The following ADGRL3 variants were observed in gnomAD, a reference collection of about 807,000 sequenced individuals.
The protein encoded by ADGRL3 is calcium-independent alpha-latrotoxin receptor 3.
ADGRL3 carries 62 observed loss-of-function variants against 153.5 expected under a neutral mutation model. The ratio of observed to expected loss-of-function variants is 0.40; its 90% CI spans 0.33 to 0.50. The LOEUF (loss-of-function observed/expected upper bound fraction) is 0.50. Among genes scored for constraint, ADGRL3 ranks in the 20% least tolerant of loss-of-function variants. The probability of loss-of-function intolerance (pLI) is 0.47; values close to 1 mark genes in which losing one functional copy is unlikely to be tolerated. For synonymous variants in ADGRL3, 710 were observed against 672.5 expected (o/e 1.06, Z -0.86); for missense variants, 1,641 against 1,859.4 (o/e 0.88, Z 2.16).
intron 9 of ADGRL3, among the ~76,000 whole-genome samples, chr4:61,838,146 C>G (rs916895048): frequency 1.3e-5 from 2 of 152,002 alleles, no homozygotes; most frequent in Admixed American, 1.3e-4. Context: ...AAATAAATAC[C>G]TCATGGTGCT....
chr4:61,307,306 C>G (rs938242298), intron 1 of ADGRL3, among the ~76,000 whole-genome samples: 2 of 152,090 alleles, frequency 1.3e-5, no homozygotes, highest in Admixed American at 1.3e-4. Context: ...TTTTAGTTGA[C>G]TAACACAATT....
rs1261890469 is a variant in ADGRL3 at position 61,979,671 on chromosome 4, G to A, written c.2914G>A (p.Gly972Arg). The change falls in exon 18 of 27, where the codon GGG becomes AGG. Residue 972 changes from glycine (G) to arginine (R), a missense_variant. Around this residue, in one of 5 missense-constraint regions of ADGRL3, gnomAD observed 734 missense variants for 797.0 expected, o/e 0.92. Coordinates refer to ENST00000683033, the MANE Select transcript of ADGRL3 (RefSeq NM_001387552.1). ...CATCTTCACATTTTGCTTTTTCCGGGGGCTCCAGAGTGACCGTAACACCAT... is the reference window on the plus strand; with the variant it reads ...CATCTTCACATTTTGCTTTTTCCGGAGGCTCCAGAGTGACCGTAACACCAT... Reference protein sequence around the residue: ...ICIFTFCFFRGLQSDRNTIHK... With the variant: ...ICIFTFCFFRRLQSDRNTIHK... The A allele has an allele frequency of 6.2e-7, 1 of 1,613,650 alleles. No homozygotes were observed. The highest frequency in any genetic ancestry group is 8.5e-7 in the Non-Finnish European group (1 of 1,179,830).
chr4:61,489,163 T>C (rs750332684), intron 2 of ADGRL3, among the ~76,000 whole-genome samples: 5 of 151,982 alleles, frequency 3.3e-5, no homozygotes, highest in Non-Finnish European at 7.4e-5. Context: ...AAATAAGTAT[T>C]AAATTCAGAT....
intron 17 of ADGRL3, among the ~76,000 whole-genome samples, chr4:61,958,648 C>G (rs1450028530): frequency 1.3e-5 from 2 of 152,010 alleles, no homozygotes; most frequent in Non-Finnish European, 2.9e-5. Flanking sequence ...GCAGGGAAAA[C>G]TGCCACTTTT....
intron 1 of ADGRL3, among the ~76,000 whole-genome samples, chr4:61,319,921 A>G (rs2095318827): frequency 6.6e-6 from 1 of 152,180 alleles, no homozygotes; most frequent in Non-Finnish European, 1.5e-5. Flanking sequence ...AGCCCAGTTC[A>G]TATATTGAAG....
At chr4:61,268,779 A>T (rs1333586717) in intron 1 of ADGRL3, among the ~76,000 whole-genome samples, 1 of 151,670 alleles carries the variant, frequency 6.6e-6, no homozygotes, top group Middle Eastern at 3.2e-3. Flanking sequence ...TAATTTCTTG[A>T]GAAACATTGC....
At chr4:61,445,684 C>G (rs1424321159) in intron 2 of ADGRL3, among the ~76,000 whole-genome samples, 1 of 152,154 alleles carries the variant, frequency 6.6e-6, no homozygotes. Context: ...TTCAGCATTA[C>G]TTTCTCAGAG....
intron 1 of ADGRL3, among the ~76,000 whole-genome samples, chr4:61,368,275 C>G (rs1366516565): frequency 6.6e-6 from 1 of 152,066 alleles, no homozygotes; most frequent in African/African-American, 2.4e-5. Flanking sequence ...GCTTTTGTTG[C>G]CATTGCTTTT....
At chr4:61,401,431 A>T (rs1283875137) in intron 2 of ADGRL3, among the ~76,000 whole-genome samples, 1 of 152,016 alleles carries the variant, frequency 6.6e-6, no homozygotes, top group Non-Finnish European at 1.5e-5. Flanking sequence ...TAAAAATGAA[A>T]TATTTAGTAT....
intron 13 of ADGRL3, among the ~76,000 whole-genome samples, chr4:61,931,966 CA>C (rs1174791556): frequency 6.6e-6 from 1 of 151,996 alleles, no homozygotes; most frequent in African/African-American, 2.4e-5. Context: ...CTGTTGTAAA[CA>C]GGTTCCTGAA....
chr4:61,417,721 T>C (rs908524486), intron 2 of ADGRL3, among the ~76,000 whole-genome samples: 1 of 152,078 alleles, frequency 6.6e-6, no homozygotes, highest in African/African-American at 2.4e-5. Context: ...TTTTTCACTT[T>C]TAGAGGAGGT....
At chr4:61,771,426 T>C (rs1258334472) in intron 8 of ADGRL3, among the ~76,000 whole-genome samples, 1 of 152,180 alleles carries the variant, frequency 6.6e-6, no homozygotes, top group Non-Finnish European at 1.5e-5. Context: ...CAGCCTCCAG[T>C]TAAGCCCATT....
chr4:61,805,368 G>C (rs2097543083), intron 8 of ADGRL3, among the ~76,000 whole-genome samples: 1 of 152,090 alleles, frequency 6.6e-6, no homozygotes, highest in Non-Finnish European at 1.5e-5. Context: ...GCCAAGATAG[G>C]ATTTAAAGCA....
chr4:61,693,358 A>G (rs1270006010), intron 6 of ADGRL3, among the ~76,000 whole-genome samples: 3 of 149,896 alleles, frequency 2.0e-5, no homozygotes, highest in East Asian at 2.0e-4. Context: ...AGTTTTTTCT[A>G]TTTTTTTTTC....
At chr4:61,976,636 G>A (rs2099049084) in intron 17 of ADGRL3, among the ~76,000 whole-genome samples, 1 of 152,138 alleles carries the variant, frequency 6.6e-6, no homozygotes, top group African/African-American at 2.4e-5. Context: ...CCCCCATACT[G>A]TTCTCATGGT....
chr4:61,982,896 A>T (rs2099073346), intron 18 of ADGRL3, among the ~76,000 whole-genome samples: 1 of 152,140 alleles, frequency 6.6e-6, no homozygotes, highest in South Asian at 2.1e-4. Context: ...AACAATTAGT[A>T]ATAATCTCAT....
At chr4:61,643,894 A>C (rs1177218810) in intron 5 of ADGRL3, among the ~76,000 whole-genome samples, 1 of 147,228 alleles carries the variant, frequency 6.8e-6, no homozygotes, top group Non-Finnish European at 1.5e-5. Context: ...CTCTGGTAGA[A>C]TTCGGCTGTG....
intron 9 of ADGRL3, among the ~76,000 whole-genome samples, chr4:61,869,456 G>T (rs1581222363): frequency 6.6e-6 from 1 of 151,588 alleles, no homozygotes; most frequent in Non-Finnish European, 1.5e-5. Flanking sequence ...AAATTAGCCG[G>T]GCGCGGTGGC....
rs1249790183 is a variant in ADGRL3, at chr4:62,076,211, TAA to T, written c.*5304_*5305del. ...GCACTTCTTTCACATCTAGCACCTA[TAA>T]GTTACTATTCAAATGTCTTGATTTC... On this transcript the variant is annotated 3_prime_UTR_variant, in exon 27 of 27. Coordinates refer to ENST00000683033, the MANE Select transcript of ADGRL3 (RefSeq NM_001387552.1). 1.1e-4 allele frequency: 17 copies of T among 152,148 alleles called. No homozygotes were observed. Among genetic ancestry groups the T allele is most frequent in the Non-Finnish European group, 2.1e-4 (14 of 67,986 alleles). The allele number at this position is 152,148 out of a possible 1,614,324, so 9.4% of individuals were successfully genotyped here. A position where few individuals can be genotyped will look rare whatever the true frequency, so the allele number is the denominator to read the frequency against.
Sources: gnomAD v4.1 joint callset for allele counts (sites outside exome capture counted in the v4.1 genomes callset) on GRCh38, gnomAD v4.1.1 for gene constraint, gnomAD v4.1.1 regional missense constraint, MANE v1.5 for transcripts, NCBI Gene and HGNC (gene_info 2026-07-23, HGNC 2026-07-21) for gene names.